The following CREBBP variants were observed in gnomAD, a reference collection of about 807,000 sequenced individuals.
CREBBP encodes CREB binding lysine acetyltransferase.
CREBBP carries 19 observed loss-of-function variants against 265.0 expected under a neutral mutation model. The observed-to-expected ratio is 0.07, with a 90% CI of 0.05 to 0.11. CREBBP has a LOEUF of 0.11. Ranked by LOEUF, CREBBP falls within the 10% of genes least tolerant of loss-of-function variation. CREBBP has a pLI of 1.00. For synonymous variants in CREBBP, 1,457 were observed against 1,223.7 expected, an observed-to-expected ratio of 1.19 and a Z score of -3.98; for missense variants, 2,525 against 3,219.0, an observed-to-expected ratio of 0.78 and a Z score of 5.22.
At chr16:3,791,917 G>T in intron 5 of CREBBP, 64 bp downstream of exon 5, 2 of 1,405,614 alleles carry the variant, frequency 1.4e-6, no homozygotes, top group Non-Finnish European at 2.0e-6. Context: ...CCTACTCTCT[G>T]AATTTTCTTT....
chr16:3,800,646 T>C (rs550371959), intron 3 of CREBBP, among the ~76,000 whole-genome samples: 1 of 152,258 alleles, frequency 6.6e-6, no homozygotes, highest in Admixed American at 6.5e-5. Context: ...AGATCAATGC[T>C]ATAGTCTCCC....
At chr16:3,759,724 TAC>T (rs779904970) in intron 16 of CREBBP, among the ~76,000 whole-genome samples, 3 of 152,156 alleles carry the variant, frequency 2.0e-5, no homozygotes, top group Non-Finnish European at 2.9e-5. Flanking sequence ...GTAATAGAGC[TAC>T]AAAATAAAGC....
In CREBBP at chr16:3,857,257, T is replaced by C. The variant is rs551516134; in HGVS notation, c.86-6248A>G. ...CTACACTCTGACCACCGTGACCACT[T>C]TTTCATCCTATTTCAGTCCAAATAC... On this transcript the variant is annotated intron_variant, in intron 1 of 30. Coordinates refer to ENST00000262367, the MANE Select transcript of CREBBP (RefSeq NM_004380.3). Among the ~76,000 whole-genome samples the C allele has an allele frequency of 5.9e-5, 9 of 152,292 alleles. No individual in the cohort carries two copies. In the South Asian group the frequency reaches 1.4e-3, roughly 25 times the overall value.
intron 1 of CREBBP, among the ~76,000 whole-genome samples, chr16:3,860,411 C>T (rs994639703): frequency 1.8e-4 from 28 of 152,082 alleles, no homozygotes; most frequent in African/African-American, 6.8e-4. Flanking sequence ...CAAGTGTGAT[C>T]ATGGCTCACT....
intron 2 of CREBBP, among the ~76,000 whole-genome samples, chr16:3,844,618 G>A (rs540389889): frequency 6.6e-6 from 1 of 152,208 alleles, no homozygotes; most frequent in Non-Finnish European, 1.5e-5. Context: ...GGATGCCTAA[G>A]AGCATAAACA....
At chr16:3,777,510 G>A (rs1341327435) in intron 11 of CREBBP, 103 bp downstream of exon 11, 3 of 1,222,462 alleles carry the variant, frequency 2.5e-6, no homozygotes, top group African/African-American at 1.5e-5. Context: ...ATGGAAAGAA[G>A]AAAGGGTTAG....
At chr16:3,800,026 A>G (rs1280842588) in intron 3 of CREBBP, among the ~76,000 whole-genome samples, 3 of 152,230 alleles carry the variant, frequency 2.0e-5, no homozygotes, top group Non-Finnish European at 4.4e-5. Flanking sequence ...TTGTAAAAGT[A>G]TGGGAAGGTA....
Position 3,751,711 on chromosome 16 carries a change from C to G in CREBBP, c.3779+15G>C, listed in dbSNP as rs562552448. 1 of 1,613,688 alleles carries G rather than the reference C, an allele frequency of 6.2e-7. No individual in the cohort carries two copies. Among genetic ancestry groups the G allele is most frequent in the South Asian group, 1.1e-5 (1 of 91,066 alleles). On this transcript the variant is annotated intron_variant, in intron 20 of 30. Coordinates refer to ENST00000262367, the MANE Select transcript of CREBBP (RefSeq NM_004380.3). Reference sequence around the variant, plus strand: ...CCCTCCCTCACCCCAGAGAAAATGACAGGACGGTACTTACGTCTGGGGCTG... The same window carrying G: ...CCCTCCCTCACCCCAGAGAAAATGAGAGGACGGTACTTACGTCTGGGGCTG...
At chr16:3,858,328 G>A (rs1490974372) in intron 1 of CREBBP, among the ~76,000 whole-genome samples, 1 of 152,096 alleles carries the variant, frequency 6.6e-6, no homozygotes, top group Non-Finnish European at 1.5e-5. Flanking sequence ...GTTTTCTACA[G>A]CCTCCTCTTC....
Position 3,728,978 on chromosome 16 carries a change from C to T in CREBBP, c.6069G>A (p.Gln2023=), listed in dbSNP as rs1285474641. 6.3e-7 allele frequency: 1 copy of T among 1,595,350 alleles called. No individual in the cohort carries two copies. Among genetic ancestry groups the T allele is most frequent in the South Asian group, 1.1e-5 (1 of 90,208 alleles). ...TGGGCTGCTGCTGGGGAAGGGGCGC[C>T]TGCTGCCACTGCCCGGGAGGCATGC... ...MPSMPPGQWQ[Q]APLPQQQPMP... is the part of the protein sequence containing the mutation. The change falls in exon 31 of 31, where the codon CAG becomes CAA. Residue 2023 remains glutamine, a synonymous_variant. Coordinates refer to ENST00000262367, the MANE Select transcript of CREBBP (RefSeq NM_004380.3). This position sits in a 1 kb window ranked among gnomAD's most constrained non-coding sequence, Gnocchi z 8.7.
chr16:3,831,489 G>C (rs980371880), intron 2 of CREBBP, among the ~76,000 whole-genome samples: 3 of 152,026 alleles, frequency 2.0e-5, no homozygotes, highest in African/African-American at 7.3e-5. Flanking sequence ...TAAATAACCA[G>C]TGATACAAAC....
intron 2 of CREBBP, among the ~76,000 whole-genome samples, chr16:3,828,711 CA>C (rs2054286649): frequency 1.3e-5 from 2 of 152,188 alleles, no homozygotes. Flanking sequence ...GAAAAAAATA[CA>C]GGCTTGGAGT....
chr16:3,736,994 G>C (rs2052077981), intron 26 of CREBBP, 179 bp from the exon 27 acceptor site: 1 of 718,216 alleles, frequency 1.4e-6, no homozygotes, highest in South Asian at 1.7e-5. Flanking sequence ...CTGAGCAAAT[G>C]CAAGCCTGCA....
intron 16 of CREBBP, among the ~76,000 whole-genome samples, chr16:3,762,165 T>C (rs978674906): frequency 1.3e-5 from 2 of 152,080 alleles, no homozygotes; most frequent in African/African-American, 4.8e-5. Context: ...TGAGGAGTGG[T>C]AACAGAGGCC....
intron 1 of CREBBP, among the ~76,000 whole-genome samples, chr16:3,876,265 G>A (rs562821571): frequency 6.6e-6 from 1 of 151,732 alleles, no homozygotes; most frequent in East Asian, 1.9e-4. Context: ...GTCTCCAACT[G>A]CTGGCCTCAA....
intron 2 of CREBBP, among the ~76,000 whole-genome samples, chr16:3,827,872 T>C (rs2054268819): frequency 6.6e-6 from 1 of 152,070 alleles, no homozygotes; most frequent in Non-Finnish European, 1.5e-5. Context: ...TAAAATGTTT[T>C]GTAGAGATGG....
At chr16:3,759,722 G>A (rs1365945357) in intron 16 of CREBBP, among the ~76,000 whole-genome samples, 1 of 152,076 alleles carries the variant, frequency 6.6e-6, no homozygotes, top group African/African-American at 2.4e-5. Flanking sequence ...CAGTAATAGA[G>A]CTACAAAATA....
Position 3,850,583 on chromosome 16 carries a change from G to A in CREBBP, c.512C>T (p.Thr171Ile), listed in dbSNP as rs2141492779. ...LATSSPATSQ[T>I]GPGICMNANF... is the part of the protein sequence containing the mutation. ...AGCATTCATGCAGATACCAGGTCCA[G>A]TCTGTGACGTGGCAGGGCTGCTAGT... The change falls in exon 2 of 31, where the codon ACT (threonine) becomes ATT (isoleucine). Residue 171 changes from threonine (T) to isoleucine (I), a missense_variant. This residue lies in a region of CREBBP where 356 missense variants were observed against 340.4 expected (regional missense o/e 1.05). Coordinates refer to ENST00000262367, the MANE Select transcript of CREBBP (RefSeq NM_004380.3). 6.2e-7 allele frequency: 1 copy of A among 1,614,264 alleles called. No individual in the cohort carries two copies. Among genetic ancestry groups the A allele is most frequent in the Non-Finnish European group, 8.5e-7 (1 of 1,180,052 alleles).
rs370838201 is a variant in CREBBP at position 3,726,244 on chromosome 16, G to GA, written c.*1473_*1474insT. 1.8e-3 allele frequency: 400 copies of GA among 226,982 alleles called. 1 individual carries two copies. The highest frequency in any genetic ancestry group is 8.3e-3 in the African/African-American group (363 of 43,600). The allele number at this position is 226,982 out of a possible 1,614,324, so 14.1% of individuals were successfully genotyped here. On this transcript the variant is annotated 3_prime_UTR_variant, in exon 31 of 31. Coordinates refer to ENST00000262367, the MANE Select transcript of CREBBP (RefSeq NM_004380.3). ...CAGATTCTGGGAGTCGTGTACGGGG[G>GA]GGGGGAGCCGCCTGAACACGGGAAG... is the stretch of plus-strand genomic sequence containing the variant.
Sources: gnomAD v4.1 joint callset for allele counts (sites outside exome capture counted in the v4.1 genomes callset) on GRCh38, gnomAD v4.1.1 for gene constraint, gnomAD v4.1.1 regional missense constraint, Gnocchi (gnomAD v3.1) non-coding constraint, MANE v1.5 for transcripts, NCBI Gene and HGNC (gene_info 2026-07-23, HGNC 2026-07-21) for gene names.